The following ASXL2 variants were observed in gnomAD, a reference collection of about 807,000 sequenced individuals.
ASXL2 encodes putative Polycomb group protein ASXL2.
In ASXL2, 23 loss-of-function variants were observed where a neutral mutation model predicts 122.0. That is an observed-to-expected ratio of 0.19 (90% confidence interval 0.14 to 0.27). The LOEUF is 0.27. Among genes scored for constraint, ASXL2 ranks in the 10% least tolerant of loss-of-function variants. The pLI is 1.00. For missense variants in ASXL2, 1,518 were observed against 1,713.8 expected, an observed-to-expected ratio of 0.89 and a Z score of 2.02; for synonymous variants, 650 against 637.0, an observed-to-expected ratio of 1.02 and a Z score of -0.31.
chr2:25,745,641 CTTTTTT>C (rs59530493), intron 12 of ASXL2, among the ~76,000 whole-genome samples: 5 of 75,674 alleles, frequency 6.6e-5, no homozygotes, highest in South Asian at 5.5e-4. Flanking sequence ...TGATTTCCTT[CTTTTTT>C]TTTTTTTTTT....
chr2:25,743,735 G>C lies in ASXL2; in HGVS notation c.2602C>G (p.Pro868Ala), dbSNP rs1236115035. 1 of 1,613,852 alleles carries C rather than the reference G, an allele frequency of 6.2e-7. No homozygotes were observed. The highest frequency in any genetic ancestry group is 1.3e-5 in the African/African-American group (1 of 74,904). Reference sequence around the variant, plus strand: ...GCATCTGTCTTTGATGAGGCTGAAGGGTTAGGTATATTCTTACTAGGACCT... The same window carrying C: ...GCATCTGTCTTTGATGAGGCTGAAGCGTTAGGTATATTCTTACTAGGACCT... ...KAGPSKNIPNPSASSKTDASV... is the reference protein window; with the variant it reads ...KAGPSKNIPNASASSKTDASV... The change falls in exon 13 of 13, where the codon CCT becomes GCT. Residue 868 changes from proline to alanine, a missense_variant. Pro to Ala is a conservative substitution (Grantham distance 27). Around this residue, in one of 8 missense-constraint regions of ASXL2, gnomAD observed 831 missense variants for 833.1 expected, o/e 1.00. Coordinates refer to ENST00000435504, the MANE Select transcript of ASXL2 (RefSeq NM_018263.6).
chr2:25,751,835 G>A (rs925653495), intron 11 of ASXL2, among the ~76,000 whole-genome samples: 1 of 151,714 alleles, frequency 6.6e-6, no homozygotes, highest in Non-Finnish European at 1.5e-5. Flanking sequence ...AGGCTGGAGT[G>A]CAATGGCGTA....
intron 3 of ASXL2, among the ~76,000 whole-genome samples, chr2:25,814,627 T>C (rs1049756733): frequency 6.6e-6 from 1 of 152,342 alleles, no homozygotes; most frequent in East Asian, 1.9e-4. Context: ...TTTTATGCGG[T>C]GAGCATGTAA....
intron 12 of ASXL2, among the ~76,000 whole-genome samples, chr2:25,748,538 T>C (rs1452962564): frequency 6.6e-6 from 1 of 151,958 alleles, no homozygotes; most frequent in Non-Finnish European, 1.5e-5. Context: ...ATGGGTCAAG[T>C]TCTGGTAAGT....
rs968008398 is a variant in ASXL2 at position 25,737,336 on chromosome 2, C to T, written c.*4693G>A. On this transcript the variant is annotated 3_prime_UTR_variant, in exon 13 of 13. Coordinates refer to ENST00000435504, the MANE Select transcript of ASXL2 (RefSeq NM_018263.6). ...AGAAAGGAAAACCTATTTTTTCCCC[C>T]GAGATATTTCCTTACCATTCTTTGA... is the stretch of plus-strand genomic sequence containing the variant. The T allele has an allele frequency of 1.3e-5, 2 of 151,940 alleles. No individual in the cohort carries two copies. The highest frequency in any genetic ancestry group is 2.9e-5 in the Non-Finnish European group (2 of 67,974). The allele number at this position is 151,940 out of a possible 1,614,324, so 9.4% of individuals were successfully genotyped here. A position where few individuals can be genotyped will look rare whatever the true frequency, so the allele number is the denominator to read the frequency against.
At chr2:25,878,040 CCT>C in intron 1 of ASXL2, 124 bp downstream of exon 1, 3 of 1,203,150 alleles carry the variant, frequency 2.5e-6, no homozygotes, top group Non-Finnish European at 3.7e-6. Flanking sequence ...TAACCGCCGC[CCT>C]CTCCGCGCGG....
chr2:25,812,033 G>C (rs2089176713), intron 3 of ASXL2, among the ~76,000 whole-genome samples: 1 of 151,938 alleles, frequency 6.6e-6, no homozygotes, highest in Admixed American at 6.6e-5. Context: ...GATTACAGGT[G>C]TCAGCCACTG....
intron 1 of ASXL2, among the ~76,000 whole-genome samples, chr2:25,846,214 G>A (rs1559527266): frequency 6.6e-6 from 1 of 152,212 alleles, no homozygotes; most frequent in Non-Finnish European, 1.5e-5. Context: ...GTTGGATAGA[G>A]GGAGAGAAAA....
chr2:25,820,217 C>T (rs1209515957), intron 3 of ASXL2, among the ~76,000 whole-genome samples: 1 of 152,152 alleles, frequency 6.6e-6, no homozygotes, highest in Non-Finnish European at 1.5e-5. Context: ...ATCAAGCCTA[C>T]TCTGAAGTAT....
intron 1 of ASXL2, among the ~76,000 whole-genome samples, chr2:25,859,423 G>C (rs1447461101): frequency 6.6e-6 from 1 of 152,072 alleles, no homozygotes; most frequent in Non-Finnish European, 1.5e-5. Flanking sequence ...GGCAAAACTA[G>C]TGATTTCATA....
At position 25,748,018 on chromosome 2, in the gene ASXL2, C is replaced by G. The variant is rs377389161; in HGVS notation, c.1860+1678G>C. Among the ~76,000 whole-genome samples the G allele has an allele frequency of 8.7e-5, 13 of 150,196 alleles. No individual in the cohort carries two copies. The South Asian group carries it at 2.8e-3, about 32-fold the overall frequency. On this transcript the variant is annotated intron_variant, in intron 12 of 12. Transcript: ENST00000435504. ...CCCTTTACAAATAATTATTTGTAAA[C>G]ATACAAAAATTAGCCAGGCGTCGTG...
At chr2:25,797,100 A>C (rs1168510797) in intron 5 of ASXL2, among the ~76,000 whole-genome samples, 4 of 152,222 alleles carry the variant, frequency 2.6e-5, no homozygotes, top group African/African-American at 9.6e-5. Context: ...AGACTTCATT[A>C]AACATTTCTG....
rs1491308542 is a variant in ASXL2, at chr2:25,779,086, T to TTA, written c.404-7547_404-7546insTA. Among the ~76,000 whole-genome samples the TTA allele has an allele frequency of 2.7e-4, 14 of 52,700 alleles. No individual in the cohort carries two copies. In the South Asian group the frequency reaches 0.011, roughly 40 times the overall value. The allele number at this position is 52,700 out of a possible 152,430, so 34.6% of individuals were successfully genotyped here. ...CACAGAGCTGTCACTTTTTTCTGAT[T>TTA]TTTTTTTTTTTTTTTTTTTTTGAGA... On this transcript the variant is annotated intron_variant, in intron 5 of 12. Coordinates refer to ENST00000435504, the MANE Select transcript of ASXL2 (RefSeq NM_018263.6).
intron 3 of ASXL2, among the ~76,000 whole-genome samples, chr2:25,818,048 A>G (rs1345554277): frequency 6.6e-6 from 1 of 152,238 alleles, no homozygotes; most frequent in Non-Finnish European, 1.5e-5. Flanking sequence ...ATATAAAAGC[A>G]TTTTCAGCAT....
At chr2:25,825,404 T>C (rs1443443975) in intron 3 of ASXL2, among the ~76,000 whole-genome samples, 1 of 152,178 alleles carries the variant, frequency 6.6e-6, no homozygotes, top group Non-Finnish European at 1.5e-5. Flanking sequence ...AACCTTTTCA[T>C]CTTACAAAAC....
At chr2:25,874,562 G>A (rs922086482) in intron 1 of ASXL2, among the ~76,000 whole-genome samples, 16 of 152,140 alleles carry the variant, frequency 1.1e-4, no homozygotes, top group Admixed American at 9.2e-4. Flanking sequence ...AAGGAGGGAG[G>A]AGCCCTTGAG....
At chr2:25,851,147 C>CAA (rs570159423) in intron 1 of ASXL2, among the ~76,000 whole-genome samples, 2 of 96,292 alleles carry the variant, frequency 2.1e-5, no homozygotes, top group African/African-American at 7.9e-5. Context: ...ACTCCTTCTC[C>CAA]AAAAAAAAAA....
At chr2:25,755,830 T>G (rs555406648) in intron 10 of ASXL2, among the ~76,000 whole-genome samples, 188 bp downstream of exon 10, 8 of 152,262 alleles carry the variant, frequency 5.3e-5, no homozygotes, top group African/African-American at 1.9e-4. Context: ...CTAGATTCCA[T>G]GTGGTGTTAA....
At chr2:25,747,172 C>G (rs1194086725) in intron 12 of ASXL2, among the ~76,000 whole-genome samples, 1 of 152,042 alleles carries the variant, frequency 6.6e-6, no homozygotes, top group African/African-American at 2.4e-5. Context: ...CTGCATTAAC[C>G]TTGAGGATGT....
Sources: gnomAD v4.1 joint callset for allele counts (sites outside exome capture counted in the v4.1 genomes callset) on GRCh38, gnomAD v4.1.1 for gene constraint, gnomAD v4.1.1 regional missense constraint, MANE v1.5 for transcripts, NCBI Gene and HGNC (gene_info 2026-07-23, HGNC 2026-07-21) for gene names.